Variants in AFAP1L1 observed in about 807,000 individuals in gnomAD.
The protein encoded by AFAP1L1 is actin filament associated protein 1 like 1.
Under a neutral mutation model 99.8 loss-of-function variants are expected in AFAP1L1, and 77 were observed. The ratio of observed to expected loss-of-function variants is 0.77; its 90% CI spans 0.64 to 0.93. The LOEUF is 0.93. Ranked by LOEUF, AFAP1L1 falls within the 40% of genes least tolerant of loss-of-function variation. AFAP1L1 has a pLI of 0.00. For synonymous variants in AFAP1L1, 373 were observed against 395.3 expected (o/e 0.94, Z 0.67); for missense variants, 893 against 996.8 (o/e 0.90, Z 1.40).
chr5:149,300,417 G>C (rs774800249), intron 3 of AFAP1L1, 63 bp downstream of exon 3: 2 of 1,466,528 alleles, frequency 1.4e-6, no homozygotes, highest in South Asian at 2.4e-5. Context: ...TATGCAGAAG[G>C]GTCCCCCGAC....
rs769178030 is a variant in AFAP1L1 at position 149,317,825 on chromosome 5, G to A, written c.1364G>A (p.Arg455Gln). 19 of 1,612,304 alleles carry A rather than the reference G, an allele frequency of 1.2e-5. No individual in the cohort carries two copies. Among genetic ancestry groups the A allele is most frequent in the East Asian group, 4.5e-5 (2 of 44,808 alleles). The part of the protein sequence containing the change: ...LYFHKDHMDL[R>Q]THVNAIALQG... The stretch of plus-strand genomic sequence containing the variant: ...TTCCACAAGGATCACATGGACCTGC[G>A]AACCCATGTGAACGCCATCGCCCTG... Residue 455 changes from arginine to glutamine, a missense_variant, in exon 12 of 19, where the codon CGA becomes CAA. Coordinates refer to ENST00000296721, the MANE Select transcript of AFAP1L1 (RefSeq NM_152406.4).
At position 149,340,244 on chromosome 5, in the gene AFAP1L1, C is replaced by CTG; in HGVS notation, c.*215_*216insGT. On this transcript the variant is annotated 3_prime_UTR_variant, in exon 19 of 19. Transcript: ENST00000296721. Reference sequence around the variant, plus strand: ...AGGGAAATGGAGAGCATCCTTATGACTTTACAAAGGGTGGAAATGAGGATG... The same window carrying CTG: ...AGGGAAATGGAGAGCATCCTTATGACTGTTTACAAAGGGTGGAAATGAGGATG... 1.8e-6 allele frequency: 1 copy of CTG among 554,278 alleles called. No individual in the cohort carries two copies. Among genetic ancestry groups the CTG allele is most frequent in the South Asian group, 2.4e-5 (1 of 42,086 alleles). The allele number at this position is 554,278 out of a possible 1,614,324, so 34.3% of individuals were successfully genotyped here.
At chr5:149,318,698 G>A (rs1204507427) in intron 12 of AFAP1L1, among the ~76,000 whole-genome samples, 5 of 152,148 alleles carry the variant, frequency 3.3e-5, no homozygotes, top group Admixed American at 3.3e-4. Flanking sequence ...TGCAGAATAC[G>A]TGGACTCTCT....
intron 5 of AFAP1L1, among the ~76,000 whole-genome samples, chr5:149,303,492 A>G (rs889065336): frequency 2.0e-5 from 3 of 152,234 alleles, no homozygotes; most frequent in Non-Finnish European, 4.4e-5. Context: ...TTTGTATAAG[A>G]TAATGTTTGT....
At chr5:149,284,362 G>T (rs1366969229) in intron 1 of AFAP1L1, among the ~76,000 whole-genome samples, 1 of 152,158 alleles carries the variant, frequency 6.6e-6, no homozygotes, top group Non-Finnish European at 1.5e-5. Context: ...TACTCCTTTT[G>T]TTTAACCCCC....
chr5:149,297,626 A>C (rs1005304532), intron 1 of AFAP1L1, among the ~76,000 whole-genome samples: 18 of 152,068 alleles, frequency 1.2e-4, no homozygotes, highest in Non-Finnish European at 1.0e-4. Flanking sequence ...CCACAGAGAG[A>C]CTGCAGCATC....
chr5:149,294,699 G>A (rs886290122), intron 1 of AFAP1L1, among the ~76,000 whole-genome samples: 3 of 152,174 alleles, frequency 2.0e-5, no homozygotes, highest in African/African-American at 7.2e-5. Context: ...GCCTCACGGT[G>A]AGGGTTTCCA....
chr5:149,278,187 A>G (rs1755398220), intron 1 of AFAP1L1, among the ~76,000 whole-genome samples: 1 of 152,194 alleles, frequency 6.6e-6, no homozygotes, highest in African/African-American at 2.4e-5. Context: ...CAAACAAAAA[A>G]GTGAACCCAT....
intron 8 of AFAP1L1, among the ~76,000 whole-genome samples, chr5:149,310,992 G>A (rs1012125790): frequency 4.6e-5 from 7 of 152,306 alleles, no homozygotes; most frequent in African/African-American, 1.7e-4. Flanking sequence ...ACTTGGCACA[G>A]CGCCTGCCAG....
intron 1 of AFAP1L1, among the ~76,000 whole-genome samples, chr5:149,288,572 C>T (rs1279459303): frequency 6.6e-6 from 1 of 152,210 alleles, no homozygotes; most frequent in Non-Finnish European, 1.5e-5. Flanking sequence ...GAAACAGCTG[C>T]CATCTTGTGT....
intron 17 of AFAP1L1, 64 bp downstream of exon 17, chr5:149,332,937 T>C (rs540628047): frequency 6.9e-7 from 1 of 1,442,790 alleles, no homozygotes; most frequent in African/African-American, 1.4e-5. Context: ...ACTACAGATC[T>C]CTTCTTCATG....
chr5:149,319,822 G>A (rs554882824), intron 13 of AFAP1L1, 95 bp downstream of exon 13: 7 of 1,518,996 alleles, frequency 4.6e-6, no homozygotes, highest in Non-Finnish European at 6.2e-6. Flanking sequence ...TGGGAGGGAA[G>A]GGAGGAGCTA....
Position 149,316,181 on chromosome 5 carries a change from T to C in AFAP1L1, c.1145T>C (p.Leu382Pro). ...GGGAAGAAGAGCAGCCTGGCAGAAC[T>C]GAAGGGCTCAATGAGCAGGGCTGCG... Reference protein sequence around the residue: ...GKGKKSSLAELKGSMSRAAGR... With the variant: ...GKGKKSSLAEPKGSMSRAAGR... The change falls in exon 11 of 19, where the codon CTG (leucine) becomes CCG (proline). Residue 382 changes from leucine (L) to proline (P), a missense_variant. Coordinates refer to ENST00000296721, the MANE Select transcript of AFAP1L1 (RefSeq NM_152406.4). 1 of 1,614,086 alleles carries C rather than the reference T, an allele frequency of 6.2e-7. No individual in the cohort carries two copies. Among genetic ancestry groups the C allele is most frequent in the Non-Finnish European group, 8.5e-7 (1 of 1,179,978 alleles).
At chr5:149,310,164 C>G in intron 8 of AFAP1L1, 29 bp downstream of exon 8, 5 of 1,549,524 alleles carry the variant, frequency 3.2e-6, no homozygotes, top group Non-Finnish European at 3.5e-6. Flanking sequence ...ACCTTCCCGC[C>G]TTCTCACCCT....
Position 149,340,135 on chromosome 5 carries a change from T to TGGAGAA in AFAP1L1, c.*105_*106insGGAGAA. On this transcript the variant is annotated 3_prime_UTR_variant, in exon 19 of 19. Transcript: ENST00000296721. ...CCAAGAGAAGACTAGGAAGTAGCCC[T>TGGAGAA]CGTTCTCCAGGGCACCCAAAATACC... The TGGAGAA allele has an allele frequency of 7.1e-7, 1 of 1,410,670 alleles. No individual in the cohort carries two copies. Among genetic ancestry groups the TGGAGAA allele is most frequent in the Non-Finnish European group, 9.9e-7 (1 of 1,014,572 alleles). The allele number at this position is 1,410,670 out of a possible 1,614,324, so 87.4% of individuals were successfully genotyped here. A position where few individuals can be genotyped will look rare whatever the true frequency, so the allele number is the denominator to read the frequency against.
chr5:149,317,725 C>T lies in AFAP1L1; in HGVS notation c.1268-4C>T, dbSNP rs557148895. 5.0e-6 allele frequency: 8 copies of T among 1,613,720 alleles called. No individual in the cohort carries two copies. Among genetic ancestry groups the T allele is most frequent in the Middle Eastern group, 1.7e-4 (1 of 6,060 alleles). ...TGGGAACCTCACACCATTGTCTCCT[C>T]CAGGCTACCTGAACGTGCTGGTGAA... On this transcript the variant is annotated splice_polypyrimidine_tract_variant and splice_region_variant and intron_variant, in intron 11 of 18. Transcript: ENST00000296721.
chr5:149,303,307 C>T (rs1444806272), intron 5 of AFAP1L1, among the ~76,000 whole-genome samples: 1 of 152,130 alleles, frequency 6.6e-6, no homozygotes, highest in Non-Finnish European at 1.5e-5. Context: ...ATCCCTTAAA[C>T]TGGCCATAAA....
intron 8 of AFAP1L1, 114 bp from the exon 9 acceptor site, chr5:149,311,997 TC>T: frequency 1.1e-6 from 1 of 911,546 alleles, no homozygotes. Context: ...GTCCATCTGT[TC>T]CCCACAGTGG....
intron 5 of AFAP1L1, 22 bp downstream of exon 5, chr5:149,302,548 G>A: frequency 6.4e-7 from 1 of 1,553,484 alleles, no homozygotes; most frequent in Non-Finnish European, 8.7e-7. Flanking sequence ...TCCTCTTGGT[G>A]GGGCTGGGGA....
Sources: allele counts gnomAD v4.1 joint callset (sites outside exome capture counted in the v4.1 genomes callset), GRCh38; gene constraint gnomAD v4.1.1; transcripts MANE v1.5; gene names NCBI Gene and HGNC (gene_info 2026-07-23, HGNC 2026-07-21).